Variants in TMX2 observed in about 807,000 individuals in gnomAD.
The protein encoded by TMX2 is thioredoxin related transmembrane protein 2.
Under a neutral mutation model 33.4 loss-of-function variants are expected in TMX2, and 20 were observed. The ratio of observed to expected loss-of-function variants is 0.60; its 90% CI spans 0.42 to 0.87. The LOEUF is 0.87. Among genes scored for constraint, TMX2 ranks in the 40% least tolerant of loss-of-function variants. The probability of loss-of-function intolerance (pLI) is 0.00; values close to 1 mark genes in which losing one functional copy is unlikely to be tolerated. For synonymous variants in TMX2, 166 were observed against 140.7 expected (o/e 1.18, Z -1.27); for missense variants, 340 against 370.7 (o/e 0.92, Z 0.68).
At chr11:57,726,074 C>A (rs774256191) in intron 1 of TMX2, among the ~76,000 whole-genome samples, 4 of 151,976 alleles carry the variant, frequency 2.6e-5, no homozygotes, top group Non-Finnish European at 5.9e-5. Flanking sequence ...TGCTATAAGT[C>A]TGTAACAGAA....
At chr11:57,720,134 C>CAAAAAAAAAAAAAAAAAAA (rs59914635) in intron 1 of TMX2, among the ~76,000 whole-genome samples, 1 of 128,142 alleles carries the variant, frequency 7.8e-6, no homozygotes, top group South Asian at 2.5e-4. Context: ...ACTAAAAATA[C>CAAAAAAAAAAAAAAAAAAA]AAAAAAAAAA....
intron 1 of TMX2, among the ~76,000 whole-genome samples, chr11:57,729,807 T>C (rs1185876236): frequency 6.6e-6 from 1 of 152,164 alleles, no homozygotes; most frequent in African/African-American, 2.4e-5. Flanking sequence ...ATTAATTGGC[T>C]TAAAAATATA....
chr11:57,732,090 GT>G (rs1168627461), intron 1 of TMX2, among the ~76,000 whole-genome samples: 14 of 152,292 alleles, frequency 9.2e-5, no homozygotes, highest in African/African-American at 3.4e-4. Flanking sequence ...ACCAAAAGTG[GT>G]TTTTGTCTCT....
chr11:57,725,716 G>A (rs962476707), intron 1 of TMX2, among the ~76,000 whole-genome samples: 3 of 151,764 alleles, frequency 2.0e-5, no homozygotes, highest in South Asian at 2.1e-4. Context: ...CAGCCTGGGC[G>A]ACAGAGTGAG....
chr11:57,722,438 G>T (rs555740218), intron 1 of TMX2, among the ~76,000 whole-genome samples: 155 of 152,316 alleles, frequency 1.0e-3, no homozygotes, highest in Admixed American at 3.7e-3. Context: ...TTCACCTTTT[G>T]TTGTGTCCTG....
rs1009882677 is a variant in TMX2, at chr11:57,734,514, G to A, written c.190-3094G>A. Among the ~76,000 whole-genome samples, 54 of 152,118 alleles carry A rather than the reference G, an allele frequency of 3.5e-4. 1 individual carries two copies. The highest frequency in any genetic ancestry group is 1.5e-5 in the Non-Finnish European group (1 of 68,030). On this transcript the variant is annotated intron_variant, in intron 1 of 7. Coordinates refer to ENST00000278422, the MANE Select transcript of TMX2 (RefSeq NM_015959.4). ...TATAATCTCAGCACTTTGGGAGGCC[G>A]AAGCAGGTGGATCACTTGAGGCCAG...
intron 1 of TMX2, among the ~76,000 whole-genome samples, chr11:57,717,027 G>A (rs1217795520): frequency 1.3e-5 from 2 of 148,166 alleles, no homozygotes; most frequent in Admixed American, 1.3e-4. Flanking sequence ...CCCAGACGGG[G>A]TCGCGGCCGG....
At chr11:57,722,762 C>T (rs1289320761) in intron 1 of TMX2, among the ~76,000 whole-genome samples, 8 of 151,976 alleles carry the variant, frequency 5.3e-5, no homozygotes, top group Admixed American at 5.2e-4. Context: ...TTTTCCCCCA[C>T]TGGAAATTTG....
intron 1 of TMX2, among the ~76,000 whole-genome samples, chr11:57,734,428 C>A (rs1948616703): frequency 6.6e-6 from 1 of 152,114 alleles, no homozygotes; most frequent in African/African-American, 2.4e-5. Flanking sequence ...CCTTTGGTCC[C>A]CTGGTTAACT....
intron 1 of TMX2, among the ~76,000 whole-genome samples, chr11:57,737,265 A>C (rs148039559): frequency 6.6e-6 from 1 of 152,060 alleles, no homozygotes; most frequent in Non-Finnish European, 1.5e-5. Context: ...ACTAAAAATA[A>C]AAAAATTAGC....
chr11:57,723,893 T>A (rs1237217025), intron 1 of TMX2, among the ~76,000 whole-genome samples: 1 of 150,970 alleles, frequency 6.6e-6, no homozygotes, highest in Non-Finnish European at 1.5e-5. Flanking sequence ...AATGGATTTT[T>A]TTTTTTTAAA....
intron 2 of TMX2, 55 bp from the exon 3 acceptor site, chr11:57,737,858 A>G (rs1165985560): frequency 6.2e-7 from 1 of 1,614,162 alleles, no homozygotes; most frequent in African/African-American, 1.3e-5. Context: ...AGGGACAAAG[A>G]ATGGGATATA....
At chr11:57,728,812 G>A (rs1247525597) in intron 1 of TMX2, among the ~76,000 whole-genome samples, 2 of 152,134 alleles carry the variant, frequency 1.3e-5, no homozygotes, top group African/African-American at 2.4e-5. Flanking sequence ...GGTGACTGGG[G>A]GCTTTGTGGG....
rs771955861 is a variant in TMX2, at chr11:57,727,152, C to G, written c.190-10456C>G. 1.7e-4 allele frequency among the ~76,000 whole-genome samples: 26 copies of G among 152,040 alleles called. 1 individual carries two copies. The highest frequency in any genetic ancestry group is 2.6e-4 in the Admixed American group (4 of 15,254). On this transcript the variant is annotated intron_variant, in intron 1 of 7. Transcript: ENST00000278422. The stretch of plus-strand genomic sequence containing the variant: ...GATCATAATAGCTCAGAAAATAGAT[C>G]TGATCCGGGATTTTTTTTTAGACTA...
intron 1 of TMX2, among the ~76,000 whole-genome samples, chr11:57,726,172 G>T (rs1403764205): frequency 6.6e-6 from 1 of 152,062 alleles, no homozygotes; most frequent in East Asian, 1.9e-4. Flanking sequence ...TAGCACTTTG[G>T]TAGGCTGGGG....
At chr11:57,738,253 G>A (rs2135649919) in intron 3 of TMX2, 101 bp from the exon 4 acceptor site, 1 of 883,712 alleles carries the variant, frequency 1.1e-6, no homozygotes, top group Non-Finnish European at 1.8e-6. Flanking sequence ...ATATCCACAA[G>A]TGTGTATTAT....
At chr11:57,718,743 T>C (rs1947350862) in intron 1 of TMX2, among the ~76,000 whole-genome samples, 1 of 147,786 alleles carries the variant, frequency 6.8e-6, no homozygotes, top group South Asian at 2.3e-4. Context: ...GCAACCTCCG[T>C]CTCCTGGGTT....
chr11:57,718,185 G>T, intron 1 of TMX2: 2 of 1,287,176 alleles, frequency 1.6e-6, no homozygotes, highest in Non-Finnish European at 1.1e-6. Flanking sequence ...CTCACTCTTG[G>T]CAGTGTAGAT....
At position 57,712,650 on chromosome 11, in the gene TMX2, T is replaced by G; in HGVS notation, c.32T>G (p.Val11Gly). MAVLAPLIAL[V>G]YSVPRLSRWL... The stretch of plus-strand genomic sequence containing the variant: ...GTCTTGGCACCTCTAATTGCTCTCG[T>G]GTATTCGGTGCCGCGACTTTCACGA... The change falls in exon 1 of 8, where the codon GTG (valine) becomes GGG (glycine). Residue 11 changes from valine (V) to glycine (G), a missense_variant. Physicochemically the swap from Val to Gly is moderately radical, Grantham distance 109. Transcript: ENST00000278422. The G allele has an allele frequency of 1.2e-6, 2 of 1,614,142 alleles. No homozygotes were observed. Among genetic ancestry groups the G allele is most frequent in the Admixed American group, 1.7e-5 (1 of 60,004 alleles).
Sources: gnomAD v4.1 joint callset for allele counts (sites outside exome capture counted in the v4.1 genomes callset) on GRCh38, gnomAD v4.1.1 for gene constraint, MANE v1.5 for transcripts, NCBI Gene and HGNC (gene_info 2026-07-23, HGNC 2026-07-21) for gene names.